TBC1D12: variants seen among roughly 807,000 people sequenced by gnomAD.
TBC1D12 encodes the protein TBC1 domain family member 12.
In TBC1D12, 56 loss-of-function variants were observed where a neutral mutation model predicts 86.7. The observed-to-expected ratio is 0.65, with a 90% confidence interval of 0.52 to 0.81. TBC1D12 has a LOEUF of 0.81. TBC1D12 is among the 30% of genes least tolerant of loss of function. The pLI is 0.00. For synonymous variants in TBC1D12, 421 were observed against 411.7 expected (o/e 1.02, Z -0.27); for missense variants, 1,023 against 1,038.8 (o/e 0.98, Z 0.21).
intron 1 of TBC1D12, among the ~76,000 whole-genome samples, chr10:94,408,319 A>C (rs1250824147): frequency 1.3e-5 from 2 of 152,168 alleles, no homozygotes; most frequent in Non-Finnish European, 2.9e-5. Flanking sequence ...ATACAGATCC[A>C]TGTGGCTTTC....
chr10:94,439,943 C>G (rs2055356095), intron 1 of TBC1D12, among the ~76,000 whole-genome samples: 1 of 152,100 alleles, frequency 6.6e-6, no homozygotes, highest in Non-Finnish European at 1.5e-5. Context: ...AATTAATAGA[C>G]CATCCTTTGA....
intron 4 of TBC1D12, among the ~76,000 whole-genome samples, chr10:94,496,709 T>C (rs2056325881): frequency 6.6e-6 from 1 of 152,190 alleles, no homozygotes; most frequent in African/African-American, 2.4e-5. Context: ...TTTAAAATTA[T>C]GTTAATAACT....
intron 2 of TBC1D12, among the ~76,000 whole-genome samples, chr10:94,445,055 T>C (rs1226640288): frequency 6.9e-6 from 1 of 144,718 alleles, no homozygotes; most frequent in African/African-American, 2.5e-5. Context: ...TTTTTATATA[T>C]GTGGTATAAA....
At chr10:94,495,932 T>C (rs2056314165) in intron 4 of TBC1D12, among the ~76,000 whole-genome samples, 1 of 152,022 alleles carries the variant, frequency 6.6e-6, no homozygotes, top group Non-Finnish European at 1.5e-5. Flanking sequence ...TGAATCTCTG[T>C]CTCTACTAAA....
At chr10:94,523,188 A>G (rs902949536) in intron 11 of TBC1D12, among the ~76,000 whole-genome samples, 1 of 114,322 alleles carries the variant, frequency 8.7e-6, no homozygotes, top group African/African-American at 3.3e-5. Flanking sequence ...GCGAAACTCT[A>G]TCTCAAAAAA....
chr10:94,495,033 T>C (rs1243511790), intron 4 of TBC1D12, among the ~76,000 whole-genome samples: 1 of 151,126 alleles, frequency 6.6e-6, no homozygotes. Flanking sequence ...AGCTCTTTTT[T>C]TTTTTTTTGA....
intron 10 of TBC1D12, 60 bp downstream of exon 10, chr10:94,522,143 A>C: frequency 6.4e-7 from 1 of 1,553,524 alleles, no homozygotes; most frequent in Non-Finnish European, 8.7e-7. Context: ...TAGAGTGAAA[A>C]ACAATAATTA....
intron 11 of TBC1D12, among the ~76,000 whole-genome samples, chr10:94,522,841 C>T (rs1175811547): frequency 1.3e-5 from 2 of 151,772 alleles, no homozygotes; most frequent in Non-Finnish European, 2.9e-5. Flanking sequence ...GTCAGGAGTT[C>T]GAAACCAGCC....
intron 2 of TBC1D12, among the ~76,000 whole-genome samples, chr10:94,469,063 C>G (rs2055864222): frequency 6.6e-6 from 1 of 152,086 alleles, no homozygotes; most frequent in African/African-American, 2.4e-5. Flanking sequence ...TAGATGTGAA[C>G]TAAAAAAGTT....
At chr10:94,440,838 G>A (rs1470460236) in intron 1 of TBC1D12, among the ~76,000 whole-genome samples, 2 of 152,118 alleles carry the variant, frequency 1.3e-5, no homozygotes, top group Non-Finnish European at 2.9e-5. Flanking sequence ...AATTTGGTTG[G>A]TTAGGGCATG....
chr10:94,430,973 T>C (rs1412384814), intron 1 of TBC1D12, among the ~76,000 whole-genome samples: 2 of 152,344 alleles, frequency 1.3e-5, no homozygotes, highest in African/African-American at 4.8e-5. Flanking sequence ...TGTGTTTGTG[T>C]CTGTGTGTGT....
At chr10:94,490,251 G>A (rs1456061277) in intron 3 of TBC1D12, among the ~76,000 whole-genome samples, 1 of 150,242 alleles carries the variant, frequency 6.7e-6, no homozygotes, top group Non-Finnish European at 1.5e-5. Flanking sequence ...GTGAAACTCT[G>A]TTTCAAAAGA....
chr10:94,487,695 T>C (rs1290711670), intron 3 of TBC1D12, among the ~76,000 whole-genome samples: 13 of 59,262 alleles, frequency 2.2e-4, no homozygotes, highest in South Asian at 9.0e-4. Flanking sequence ...GTTGTTTCTC[T>C]TTTTTTTTTT....
rs756758737 is a variant in TBC1D12, at chr10:94,474,745, G to A, written c.1173G>A (p.Pro391=). The part of the protein sequence containing the change: ...SSRRKNFEFE[P]LSTTALILED... ...GACGCAAGAATTTTGAATTTGAGCC[G>A]CTTTCTACCACTGCCTTGATTCTTG... The change falls in exon 3 of 13, where the codon CCG becomes CCA. Residue 391 remains proline (P), a synonymous_variant. Transcript: ENST00000225235. The A allele has an allele frequency of 8.7e-6, 14 of 1,614,038 alleles. No individual in the cohort carries two copies. The highest frequency in any genetic ancestry group is 4.4e-5 in the South Asian group (4 of 91,072).
At chr10:94,431,239 A>C (rs995015436) in intron 1 of TBC1D12, among the ~76,000 whole-genome samples, 6 of 151,948 alleles carry the variant, frequency 3.9e-5, no homozygotes, top group Admixed American at 6.6e-5. Context: ...ACATGGAGAA[A>C]CCGTGTCTCT....
At chr10:94,497,542 C>T (rs1238235717) in intron 5 of TBC1D12, among the ~76,000 whole-genome samples, 3 of 119,698 alleles carry the variant, frequency 2.5e-5, no homozygotes, top group Admixed American at 1.0e-4. Flanking sequence ...TTTTTTGAGA[C>T]GGAGTCTCGC....
chr10:94,499,501 T>C (rs750062284), intron 5 of TBC1D12, among the ~76,000 whole-genome samples: 6 of 152,230 alleles, frequency 3.9e-5, no homozygotes, highest in South Asian at 4.1e-4. Flanking sequence ...TCTTTCTTAT[T>C]GCCTTTTTAC....
intron 11 of TBC1D12, 150 bp from the exon 12 acceptor site, chr10:94,531,052 G>T (rs886220369): frequency 3.6e-6 from 3 of 824,554 alleles, no homozygotes; most frequent in Middle Eastern, 3.7e-4. Context: ...TAGAGACGGG[G>T]TTTCACCGTG....
Position 94,497,282 on chromosome 10 carries a change from A to T in TBC1D12, c.1412+110A>T, listed in dbSNP as rs910636927. 5.7e-6 allele frequency: 3 copies of T among 529,280 alleles called. No individual in the cohort carries two copies. In the African/African-American group the frequency reaches 6.3e-5, roughly 11 times the overall value. 32.8% of individuals were successfully genotyped at this position (529,280 alleles called of 1,614,324 possible). A position where few individuals can be genotyped will look rare whatever the true frequency, so the allele number is the denominator to read the frequency against. On this transcript the variant is annotated intron_variant, in intron 5 of 12. Transcript: ENST00000225235. Reference sequence around the variant, plus strand: ...ACTTTAAGTTTTAGGGTACATGTGCACAATGTGCAGGTTAGTTACATATGT... The same window carrying T: ...ACTTTAAGTTTTAGGGTACATGTGCTCAATGTGCAGGTTAGTTACATATGT...
Sources: allele counts gnomAD v4.1 joint callset (sites outside exome capture counted in the v4.1 genomes callset), GRCh38; gene constraint gnomAD v4.1.1; transcripts MANE v1.5; gene names NCBI Gene and HGNC (gene_info 2026-07-23, HGNC 2026-07-21).